CC2D2A: variants seen among roughly 807,000 people sequenced by gnomAD.
CC2D2A encodes the protein coiled-coil and C2 domain containing 2A.
CC2D2A carries 155 observed loss-of-function variants against 212.9 expected under a neutral mutation model. The ratio of observed to expected loss-of-function variants is 0.73; its 90% CI spans 0.64 to 0.83. CC2D2A has a LOEUF of 0.83. Ranked by LOEUF, CC2D2A falls within the 40% of genes least tolerant of loss-of-function variation. CC2D2A has a pLI of 0.00. For synonymous variants in CC2D2A, 667 were observed against 686.5 expected (o/e 0.97, Z 0.44); for missense variants, 1,856 against 1,956.2 (o/e 0.95, Z 0.97).
chr4:15,549,277 A>G (rs1278823053), intron 17 of CC2D2A, among the ~76,000 whole-genome samples: 1 of 152,228 alleles, frequency 6.6e-6, no homozygotes, highest in Non-Finnish European at 1.5e-5. Flanking sequence ...TTTAACTGAT[A>G]AAGATGAATT....
chr4:15,559,464 A>C (rs1463752430), intron 22 of CC2D2A, among the ~76,000 whole-genome samples: 1 of 152,228 alleles, frequency 6.6e-6, no homozygotes, highest in Non-Finnish European at 1.5e-5. Context: ...GTTCTGGTTT[A>C]TTATCAGCAG....
At chr4:15,488,754 G>C (rs935478539) in intron 4 of CC2D2A, among the ~76,000 whole-genome samples, 2 of 152,220 alleles carry the variant, frequency 1.3e-5, no homozygotes, top group Non-Finnish European at 2.9e-5. Context: ...AGGTCAGGCT[G>C]CATTTAGAGA....
chr4:15,558,262 G>A (rs1487712627), intron 21 of CC2D2A, among the ~76,000 whole-genome samples: 1 of 152,108 alleles, frequency 6.6e-6, no homozygotes, highest in African/African-American at 2.4e-5. Context: ...GATTTTTCAT[G>A]GCAAAACTAT....
intron 16 of CC2D2A, among the ~76,000 whole-genome samples, chr4:15,538,364 T>C (rs1228391855): frequency 6.6e-6 from 1 of 152,236 alleles, no homozygotes; most frequent in African/African-American, 2.4e-5. Flanking sequence ...GCATCTGCAC[T>C]GGCCACTCAG....
intron 17 of CC2D2A, among the ~76,000 whole-genome samples, chr4:15,548,197 C>A (rs914215423): frequency 6.6e-6 from 1 of 150,894 alleles, no homozygotes; most frequent in Non-Finnish European, 1.5e-5. Context: ...TCTCCTGAGA[C>A]AGTAACACCA....
chr4:15,495,173 A>G (rs1212129234), intron 4 of CC2D2A, among the ~76,000 whole-genome samples: 2 of 152,086 alleles, frequency 1.3e-5, no homozygotes, highest in Non-Finnish European at 2.9e-5. Context: ...CAGTAGCACA[A>G]TCTTGGTTCA....
At chr4:15,481,157 C>A (rs1195109206) in intron 4 of CC2D2A, 2 of 462,050 alleles carry the variant, frequency 4.3e-6, no homozygotes, top group Admixed American at 4.7e-5. Flanking sequence ...TTGGTGTTGT[C>A]CTCTAGTAAT....
intron 13 of CC2D2A, among the ~76,000 whole-genome samples, 180 bp from the exon 14 acceptor site, chr4:15,533,013 T>C (rs900381006): frequency 6.6e-6 from 1 of 152,210 alleles, no homozygotes; most frequent in Non-Finnish European, 1.5e-5. Flanking sequence ...ATCAAGTAAA[T>C]CTCTCAAGAC....
At chr4:15,579,201 C>T (rs891674120) in intron 29 of CC2D2A, among the ~76,000 whole-genome samples, 11 of 151,936 alleles carry the variant, frequency 7.2e-5, no homozygotes, top group African/African-American at 1.9e-4. Context: ...TAGTGGCTCA[C>T]GCCTGTAATC....
chr4:15,532,399 T>A (rs781053426), intron 13 of CC2D2A, among the ~76,000 whole-genome samples: 2 of 152,146 alleles, frequency 1.3e-5, no homozygotes, highest in African/African-American at 2.4e-5. Context: ...AGGTGCTAAT[T>A]TGTGAAATGC....
chr4:15,597,545 T>C, intron 35 of CC2D2A, 80 bp downstream of exon 35: 5 of 1,104,426 alleles, frequency 4.5e-6, no homozygotes, highest in Non-Finnish European at 6.7e-6. Context: ...TCAGCCTGGA[T>C]GAATGTGAAA....
chr4:15,516,281 T>G (rs1271584971), intron 10 of CC2D2A, among the ~76,000 whole-genome samples: 2 of 152,228 alleles, frequency 1.3e-5, no homozygotes, highest in Admixed American at 1.3e-4. Context: ...CTTGACAGAA[T>G]TTTTAAATTA....
chr4:15,506,644 G>C (rs918624842), intron 6 of CC2D2A, among the ~76,000 whole-genome samples: 3 of 152,148 alleles, frequency 2.0e-5, no homozygotes, highest in African/African-American at 7.2e-5. Flanking sequence ...AAGTGCAGCA[G>C]ACAGGAATAG....
rs201439700 is a variant in CC2D2A at position 15,515,935 on chromosome 4, C to T, written c.948C>T (p.Thr316=). The T allele has an allele frequency of 1.3e-5, 20 of 1,567,110 alleles. No homozygotes were observed. The highest frequency in any genetic ancestry group is 9.5e-5 in the Admixed American group (5 of 52,834). Residue 316 remains threonine (T), a synonymous_variant, in exon 10 of 37, where the codon ACC becomes ACT. Transcript: ENST00000424120. ...TCCTGGAAGATGAAGGCCTTTACAC[C>T]GGGGTAAGACCAGAGGTGGCACGCA... ...PRFLEDEGLY[T]GVRPEVARTN...
intron 7 of CC2D2A, 126 bp downstream of exon 7, chr4:15,510,366 C>G (rs1335230780): frequency 1.3e-6 from 1 of 742,206 alleles, no homozygotes. Context: ...GAGGCCAAGA[C>G]AGGCAGATAT....
chr4:15,569,598 T>C lies in CC2D2A; in HGVS notation c.3495+209T>C, dbSNP rs527375065. Among the ~76,000 whole-genome samples the C allele has an allele frequency of 9.9e-5, 15 of 152,284 alleles. No homozygotes were observed. In the South Asian group the frequency reaches 3.1e-3, roughly 32 times the overall value. On this transcript the variant is annotated intron_variant, in intron 27 of 36. Coordinates refer to ENST00000424120, the MANE Select transcript of CC2D2A (RefSeq NM_001378615.1). ...AAGTGGTGAAAGAATAGCTACTCCATAGACAGAATAGGGTGTTCTCGAAAG... is the reference window on the plus strand; with the variant it reads ...AAGTGGTGAAAGAATAGCTACTCCACAGACAGAATAGGGTGTTCTCGAAAG...
intron 18 of CC2D2A, 38 bp from the exon 19 acceptor site, chr4:15,553,120 T>C (rs1719089729): frequency 6.4e-7 from 1 of 1,552,192 alleles, no homozygotes; most frequent in African/African-American, 1.4e-5. Flanking sequence ...CAGTCCCTCT[T>C]TCTAAACAGC....
rs753937747 is a variant in CC2D2A at position 15,516,627 on chromosome 4, A to G, written c.1020A>G (p.Glu340=). The G allele has an allele frequency of 1.2e-6, 2 of 1,611,626 alleles. No individual in the cohort carries two copies. Among genetic ancestry groups the G allele is most frequent in the Non-Finnish European group, 1.7e-6 (2 of 1,178,762 alleles). The change falls in exon 11 of 37, where the codon GAA becomes GAG. Residue 340 remains glutamate (E), a splice_region_variant and synonymous_variant. Coordinates refer to ENST00000424120, the MANE Select transcript of CC2D2A (RefSeq NM_001378615.1). ...CATTCCCTCTGCTTCATCTACAGGA[A>G]AGAAGATGGTTTGGAGATGACGGCA... ...MENRLLMQDP[E]RRWFGDDGRI... is the part of the protein sequence containing the mutation.
At chr4:15,563,192 C>T (rs143004506) in intron 23 of CC2D2A, among the ~76,000 whole-genome samples, 163 bp from the exon 24 acceptor site, 241 of 152,304 alleles carry the variant, frequency 1.6e-3, no homozygotes, top group African/African-American at 5.7e-3. Context: ...AGTAGGATCT[C>T]GCCCATTTGG....
Sources: gnomAD v4.1 joint callset for allele counts (sites outside exome capture counted in the v4.1 genomes callset) on GRCh38, gnomAD v4.1.1 for gene constraint, MANE v1.5 for transcripts, NCBI Gene and HGNC (gene_info 2026-07-23, HGNC 2026-07-21) for gene names.